The following SDK1 variants were observed in gnomAD, a reference collection of about 807,000 sequenced individuals.
The protein encoded by SDK1 is protein sidekick-1.
SDK1 carries 157 observed loss-of-function variants against 245.5 expected under a neutral mutation model. The observed-to-expected ratio is 0.64, with a 90% CI of 0.56 to 0.73. SDK1 has a LOEUF of 0.73. SDK1 is among the 30% of genes least tolerant of loss of function. The probability of loss-of-function intolerance (pLI) is 0.00; values close to 1 mark genes in which losing one functional copy is unlikely to be tolerated. For synonymous variants in SDK1, 1,647 were observed against 1,278.5 expected (o/e 1.29, Z -6.15); for missense variants, 3,583 against 3,002.3 (o/e 1.19, Z -4.52).
At chr7:3,897,669 A>G (rs1272246444) in intron 5 of SDK1, among the ~76,000 whole-genome samples, 1 of 152,128 alleles carries the variant, frequency 6.6e-6, no homozygotes, top group Non-Finnish European at 1.5e-5. Context: ...GTTCTTCTTA[A>G]TGTTCAACAA....
intron 4 of SDK1, among the ~76,000 whole-genome samples, chr7:3,790,657 T>C (rs764707399): frequency 6.6e-6 from 1 of 151,956 alleles, no homozygotes; most frequent in Non-Finnish European, 1.5e-5. Flanking sequence ...AAATACAAAA[T>C]TATCTGGGCA....
At chr7:3,484,358 G>T (rs1781612644) in intron 1 of SDK1, among the ~76,000 whole-genome samples, 1 of 152,132 alleles carries the variant, frequency 6.6e-6, no homozygotes, top group Admixed American at 6.5e-5. Context: ...ATATATGGGG[G>T]CTGACTTGTT....
rs144293317 is a variant in SDK1 at position 3,671,010 on chromosome 7, A to T, written c.713+28905A>T. Among the ~76,000 whole-genome samples the T allele has an allele frequency of 9.2e-5, 14 of 152,280 alleles. No homozygotes were observed. In the East Asian group the frequency reaches 2.5e-3, roughly 27 times the overall value. On this transcript the variant is annotated intron_variant, in intron 4 of 44. Transcript: ENST00000404826. Reference sequence around the variant, plus strand: ...CATAGTTACCACGATTACAGTTAAAACAGTTCATTGCATAACTAGTTCCTT... The same window carrying T: ...CATAGTTACCACGATTACAGTTAAATCAGTTCATTGCATAACTAGTTCCTT...
At chr7:4,018,755 G>T (rs778507908) in intron 17 of SDK1, among the ~76,000 whole-genome samples, 2 of 152,176 alleles carry the variant, frequency 1.3e-5, no homozygotes, top group Non-Finnish European at 2.9e-5. Context: ...CTTTTATTCA[G>T]TTGGCAGTGG....
At chr7:3,330,807 TAAA>T (rs35013618) in intron 1 of SDK1, among the ~76,000 whole-genome samples, 8 of 115,340 alleles carry the variant, frequency 6.9e-5, no homozygotes, top group African/African-American at 1.3e-4. Flanking sequence ...CCATTTCGCT[TAAA>T]AAAAAAAAAA....
chr7:3,543,158 G>A (rs1386479763), intron 1 of SDK1, among the ~76,000 whole-genome samples: 1 of 152,220 alleles, frequency 6.6e-6, no homozygotes, highest in African/African-American at 2.4e-5. Flanking sequence ...TTCTACTCTA[G>A]TTGTGGAAAT....
chr7:3,583,329 G>C (rs920136447), intron 1 of SDK1, among the ~76,000 whole-genome samples: 1 of 152,184 alleles, frequency 6.6e-6, no homozygotes, highest in Non-Finnish European at 1.5e-5. Context: ...TTACCATTTA[G>C]AAACTTTCCT....
At chr7:3,684,334 G>T (rs879581419) in intron 4 of SDK1, among the ~76,000 whole-genome samples, 1 of 152,172 alleles carries the variant, frequency 6.6e-6, no homozygotes, top group Admixed American at 6.5e-5. Flanking sequence ...AGCAATGGGA[G>T]TCAGCCTCCC....
chr7:3,753,631 G>A (rs1014288456), intron 4 of SDK1, among the ~76,000 whole-genome samples: 2 of 152,138 alleles, frequency 1.3e-5, no homozygotes, highest in African/African-American at 4.8e-5. Flanking sequence ...ACCAAGCCAC[G>A]TTCTCCCGAC....
chr7:3,424,528 T>A (rs933231636), intron 1 of SDK1, among the ~76,000 whole-genome samples: 1 of 152,184 alleles, frequency 6.6e-6, no homozygotes, highest in Non-Finnish European at 1.5e-5. Flanking sequence ...ATATGTCTCT[T>A]ATGAATCTTG....
chr7:3,331,476 G>A (rs570144959), intron 1 of SDK1, among the ~76,000 whole-genome samples: 4 of 152,188 alleles, frequency 2.6e-5, no homozygotes, highest in South Asian at 2.1e-4. Context: ...TCCTTTGCCC[G>A]TTTTTTACAT....
chr7:4,127,976 G>A (rs550996325), intron 26 of SDK1, among the ~76,000 whole-genome samples: 8 of 152,274 alleles, frequency 5.3e-5, no homozygotes, highest in East Asian at 3.9e-4. Context: ...GTGTCATCAC[G>A]GTCCTAGCAA....
chr7:3,384,683 A>G (rs1027863519), intron 1 of SDK1, among the ~76,000 whole-genome samples: 2 of 152,330 alleles, frequency 1.3e-5, no homozygotes, highest in South Asian at 2.1e-4. Flanking sequence ...CCACATCGCG[A>G]ATTTCCAGCA....
At chr7:3,763,578 G>A (rs541986587) in intron 4 of SDK1, among the ~76,000 whole-genome samples, 139 of 152,268 alleles carry the variant, frequency 9.1e-4, no homozygotes, top group African/African-American at 3.0e-3. Context: ...AGAGTTTCAT[G>A]TGTTTACTTG....
At chr7:3,945,695 C>G (rs887562800) in intron 5 of SDK1, among the ~76,000 whole-genome samples, 1 of 151,724 alleles carries the variant, frequency 6.6e-6, no homozygotes, top group African/African-American at 2.4e-5. Context: ...GTCAGGAGAT[C>G]GAGACCATCC....
intron 5 of SDK1, among the ~76,000 whole-genome samples, chr7:3,923,855 A>G (rs1229645869): frequency 1.3e-5 from 2 of 152,022 alleles, no homozygotes; most frequent in Non-Finnish European, 1.5e-5. Flanking sequence ...GGTTCCTTTC[A>G]CTTCGTGTCC....
chr7:3,455,853 T>A (rs552644710), intron 1 of SDK1, among the ~76,000 whole-genome samples: 1 of 152,228 alleles, frequency 6.6e-6, no homozygotes, highest in Non-Finnish European at 1.5e-5. Context: ...GTTAAGCCAA[T>A]AGATCAATTT....
intron 17 of SDK1, among the ~76,000 whole-genome samples, chr7:4,046,633 A>T (rs552266138): frequency 2.0e-5 from 3 of 152,278 alleles, no homozygotes; most frequent in Middle Eastern, 3.4e-3. Flanking sequence ...GTCTTCTCTG[A>T]TCAGTGTGTC....
intron 4 of SDK1, among the ~76,000 whole-genome samples, chr7:3,661,739 A>C (rs1783363798): frequency 6.6e-6 from 1 of 152,210 alleles, no homozygotes; most frequent in Admixed American, 6.5e-5. Context: ...TAAGAATGTA[A>C]ACTCGGAAAC....
Sources: gnomAD v4.1 joint callset for allele counts (sites outside exome capture counted in the v4.1 genomes callset) on GRCh38, gnomAD v4.1.1 for gene constraint, MANE v1.5 for transcripts, NCBI Gene and HGNC (gene_info 2026-07-23, HGNC 2026-07-21) for gene names.